CYB5RL: variants seen among roughly 807,000 people sequenced by gnomAD.
CYB5RL encodes the protein cytochrome b5 reductase like.
In CYB5RL, 38 loss-of-function variants were observed where a neutral mutation model predicts 37.5. That is an observed-to-expected ratio of 1.01 (90% confidence interval 0.78 to 1.33). The LOEUF (loss-of-function observed/expected upper bound fraction) is 1.33. Ranked by LOEUF, CYB5RL falls within the 40% of genes most tolerant of loss-of-function variation. The probability of loss-of-function intolerance (pLI) is 0.00; values close to 1 mark genes in which losing one functional copy is unlikely to be tolerated. For missense variants in CYB5RL, 388 were observed against 394.4 expected, an observed-to-expected ratio of 0.98 and a Z score of 0.14; for synonymous variants, 141 against 151.9, an observed-to-expected ratio of 0.93 and a Z score of 0.53.
At chr1:54,175,682 T>A (rs892656486) in intron 7 of CYB5RL, 78 of 439,402 alleles carry the variant, frequency 1.8e-4, no homozygotes, top group Non-Finnish European at 3.1e-4. Flanking sequence ...AAATATTTTT[T>A]AAAAAACATT....
At chr1:54,175,765 G>A (rs1660006332) in intron 7 of CYB5RL, 3 of 297,602 alleles carry the variant, frequency 1.0e-5, no homozygotes, top group Non-Finnish European at 2.1e-5. Flanking sequence ...CATTTACATT[G>A]TATTAGGTAT....
rs962704906 is a variant in CYB5RL, at chr1:54,169,958, T to C, written c.*4661A>G. 5 of 152,252 alleles carry C rather than the reference T, an allele frequency of 3.3e-5. No homozygotes were observed. Among genetic ancestry groups the C allele is most frequent in the African/African-American group, 9.6e-5 (4 of 41,456 alleles). 9.4% of individuals were successfully genotyped at this position (152,252 alleles called of 1,614,324 possible). ...GTTTCCAAGTACAGGTATCTCACTGTAGCTATCCTTTCACAATGTACATTT... is the reference window on the plus strand; with the variant it reads ...GTTTCCAAGTACAGGTATCTCACTGCAGCTATCCTTTCACAATGTACATTT... On this transcript the variant is annotated 3_prime_UTR_variant, in exon 8 of 8. Transcript: ENST00000534324.
At chr1:54,176,578 G>A (rs926389000) in intron 7 of CYB5RL, among the ~76,000 whole-genome samples, 2 of 152,206 alleles carry the variant, frequency 1.3e-5, no homozygotes, top group Non-Finnish European at 2.9e-5. Context: ...CACAGAGTCT[G>A]TGCTGATGAG....
In CYB5RL at chr1:54,195,683, G is replaced by T; in HGVS notation, c.-67C>A. The stretch of plus-strand genomic sequence containing the variant: ...TTCCAGAACAGGCCAGGCTCTATGA[G>T]ACCACGGGCGCAGGCCCTGCTCCTT... On this transcript the variant is annotated 5_prime_UTR_variant, in exon 3 of 8. Coordinates refer to ENST00000534324, the MANE Select transcript of CYB5RL (RefSeq NM_001031672.4). 1 of 1,506,070 alleles carries T rather than the reference G, an allele frequency of 6.6e-7. No individual in the cohort carries two copies. Among genetic ancestry groups the T allele is most frequent in the South Asian group, 1.3e-5 (1 of 75,134 alleles). The allele number at this position is 1,506,070 out of a possible 1,614,324, so 93.3% of individuals were successfully genotyped here.
At position 54,195,607 on chromosome 1, in the gene CYB5RL, C is replaced by A. The variant is rs762297732; in HGVS notation, c.10G>T (p.Glu4Ter). MMA[E>*]REEDDDTEEA... ...TCAGTGTCGTCGTCCTCTTCCCTCT[C>A]AGCCATCATCAGTGGGGCTTGGGCA... Residue 4 changes from glutamate to a stop codon, truncating the protein, a stop_gained, in exon 3 of 8, where the codon GAG (glutamate) becomes TAG (stop). Coordinates refer to ENST00000534324, the MANE Select transcript of CYB5RL (RefSeq NM_001031672.4). LOFTEE classifies it high-confidence loss of function. 6.2e-7 allele frequency: 1 copy of A among 1,608,712 alleles called. No individual in the cohort carries two copies. Among genetic ancestry groups the A allele is most frequent in the South Asian group, 1.1e-5 (1 of 90,276 alleles).
At position 54,190,771 on chromosome 1, in the gene CYB5RL, C is replaced by T. The variant is rs1643943151; in HGVS notation, c.324G>A (p.Arg108=). 4 of 1,556,424 alleles carry T rather than the reference C, an allele frequency of 2.6e-6. No homozygotes were observed. Among genetic ancestry groups the T allele is most frequent in the Non-Finnish European group, 3.5e-6 (4 of 1,149,834 alleles). Residue 108 remains arginine (R), a synonymous_variant, in exon 4 of 8, where the codon CGG becomes CGA. Transcript: ENST00000534324. ...ALPGNSQLGL[R]PGQHLILRGI... is the part of the protein sequence containing the mutation. ...ACCGTAGGATGAGGTGCTGGCCGGG[C>T]CGCAGGCCAAGCTGGCTGTTCCCGG...
At chr1:54,177,058 G>A (rs1048050036) in intron 7 of CYB5RL, among the ~76,000 whole-genome samples, 5 of 152,322 alleles carry the variant, frequency 3.3e-5, no homozygotes, top group Middle Eastern at 3.4e-3. Flanking sequence ...CAGCTCACGG[G>A]GAGGGCGGGC....
intron 3 of CYB5RL, among the ~76,000 whole-genome samples, chr1:54,195,125 T>C (rs923440165): frequency 6.6e-6 from 1 of 152,234 alleles, no homozygotes; most frequent in Non-Finnish European, 1.5e-5. Context: ...ATATAATAGG[T>C]ACTCAATAAA....
intron 4 of CYB5RL, 165 bp from the exon 5 acceptor site, chr1:54,187,904 G>C (rs888800939): frequency 3.4e-6 from 2 of 592,498 alleles, no homozygotes; most frequent in South Asian, 2.1e-5. Context: ...AGTGAAACCC[G>C]TCACTACTAA....
chr1:54,188,013 T>C, intron 4 of CYB5RL: 1 of 434,376 alleles, frequency 2.3e-6, no homozygotes, highest in Non-Finnish European at 4.2e-6. Flanking sequence ...GAGGTGGAGG[T>C]TTCAGTGAGC....
intron 6 of CYB5RL, among the ~76,000 whole-genome samples, chr1:54,182,903 T>C (rs985444771): frequency 6.6e-5 from 10 of 152,248 alleles, no homozygotes; most frequent in Non-Finnish European, 4.4e-5. Flanking sequence ...GAAGGCATGA[T>C]TCATTCTTTT....
At position 54,179,366 on chromosome 1, in the gene CYB5RL, G is replaced by A. The variant is rs375649988; in HGVS notation, c.541-14C>T. On this transcript the variant is annotated splice_polypyrimidine_tract_variant and intron_variant, in intron 6 of 7. Coordinates refer to ENST00000534324, the MANE Select transcript of CYB5RL (RefSeq NM_001031672.4). ...GAGCTCACCATACTGGGGAACAGAA[G>A]GGGTATGTATGACAGGTGGGTTGGG... 1 of 1,608,648 alleles carries A rather than the reference G, an allele frequency of 6.2e-7. No individual in the cohort carries two copies. The highest frequency in any genetic ancestry group is 1.1e-5 in the South Asian group (1 of 90,346).
In CYB5RL at chr1:54,199,985, T is replaced by G; in HGVS notation, c.-232A>C. ...CACCACGACCACTCACCTACTCGCCTGCGCTTCACCTCACGTGAGGATTTT... is the reference window on the plus strand; with the variant it reads ...CACCACGACCACTCACCTACTCGCCGGCGCTTCACCTCACGTGAGGATTTT... On this transcript the variant is annotated 5_prime_UTR_variant, in exon 1 of 8. Transcript: ENST00000534324. 1 of 515,692 alleles carries G rather than the reference T, an allele frequency of 1.9e-6. No individual in the cohort carries two copies. The allele number at this position is 515,692 out of a possible 1,614,324, so 31.9% of individuals were successfully genotyped here.
chr1:54,192,729 T>C (rs530394708), intron 3 of CYB5RL, among the ~76,000 whole-genome samples: 1 of 151,946 alleles, frequency 6.6e-6, no homozygotes, highest in African/African-American at 2.4e-5. Context: ...CTCAGTTCCT[T>C]AGTGAGTCTT....
intron 1 of CYB5RL, among the ~76,000 whole-genome samples, chr1:54,196,806 A>G (rs189280972): frequency 6.6e-6 from 1 of 152,362 alleles, no homozygotes; most frequent in Admixed American, 6.5e-5. Context: ...GTTTCAAAAC[A>G]TATCGTTCTT....
Position 54,170,287 on chromosome 1 carries a change from G to C in CYB5RL, c.*4332C>G, listed in dbSNP as rs1359943452. 6.6e-6 allele frequency: 1 copy of C among 151,976 alleles called. No homozygotes were observed. The highest frequency in any genetic ancestry group is 1.5e-5 in the Non-Finnish European group (1 of 68,028). The allele number at this position is 151,976 out of a possible 1,614,324, so 9.4% of individuals were successfully genotyped here. On this transcript the variant is annotated 3_prime_UTR_variant, in exon 8 of 8. Coordinates refer to ENST00000534324, the MANE Select transcript of CYB5RL (RefSeq NM_001031672.4). ...CCAGCTAATTTTTCTATCTGTAGTA[G>C]AGACAGGGTTTCACCATGTTGGCCA...
intron 6 of CYB5RL, among the ~76,000 whole-genome samples, chr1:54,183,752 G>C (rs1409863716): frequency 6.6e-6 from 1 of 152,176 alleles, no homozygotes; most frequent in Non-Finnish European, 1.5e-5. Flanking sequence ...GAGGCGGGCA[G>C]ATCACCTGAG....
intron 4 of CYB5RL, among the ~76,000 whole-genome samples, chr1:54,190,222 G>C (rs10888837): frequency 2.0e-5 from 3 of 151,982 alleles, no homozygotes; most frequent in African/African-American, 7.3e-5. Context: ...GGTAAAGAGC[G>C]TAACTCAGGA....
At chr1:54,199,428 G>A (rs766056252) in intron 1 of CYB5RL, among the ~76,000 whole-genome samples, 1 of 152,234 alleles carries the variant, frequency 6.6e-6, no homozygotes, top group Non-Finnish European at 1.5e-5. Context: ...GGGATAGGAA[G>A]TGTGTGTATC....
Sources: gnomAD v4.1 joint callset for allele counts (sites outside exome capture counted in the v4.1 genomes callset) on GRCh38, gnomAD v4.1.1 for gene constraint, MANE v1.5 for transcripts, NCBI Gene and HGNC (gene_info 2026-07-23, HGNC 2026-07-21) for gene names.